Variants in MAP1B observed in about 807,000 individuals in gnomAD.
MAP1B encodes the protein microtubule associated protein 1B.
In MAP1B, 12 loss-of-function variants were observed where a neutral mutation model predicts 176.1. That is an observed-to-expected ratio of 0.07 (90% CI 0.04 to 0.11). The LOEUF (loss-of-function observed/expected upper bound fraction) is 0.11. MAP1B is among the 10% of genes least tolerant of loss of function. MAP1B has a pLI of 1.00. For synonymous variants in MAP1B, 1,044 were observed against 1,135.0 expected (o/e 0.92, Z 1.61); for missense variants, 2,523 against 2,990.5 (o/e 0.84, Z 3.65).
chr5:72,170,113 T>C (rs1009806658), intron 2 of MAP1B, among the ~76,000 whole-genome samples: 1 of 152,228 alleles, frequency 6.6e-6, no homozygotes, highest in Non-Finnish European at 1.5e-5. Context: ...TAGTGGAAAT[T>C]AAATGAACAC....
chr5:72,183,835 CAG>C lies in MAP1B; in HGVS notation c.369+11_369+12del. The C allele has an allele frequency of 6.2e-7, 1 of 1,612,988 alleles. No individual in the cohort carries two copies. The highest frequency in any genetic ancestry group is 8.5e-7 in the Non-Finnish European group (1 of 1,179,056). On this transcript the variant is annotated intron_variant, in intron 3 of 6. Transcript: ENST00000296755. ...AGCAGTCAGCACCGAGGTAAGCATT[CAG>C]CTCTGTAGAATCTGGGGCCGGGCCC... is the stretch of plus-strand genomic sequence containing the variant.
chr5:72,153,766 AT>A (rs1275663721), intron 2 of MAP1B, among the ~76,000 whole-genome samples: 1 of 151,778 alleles, frequency 6.6e-6, no homozygotes. Flanking sequence ...TTTAGAGAAC[AT>A]TGGTCAACTT....
Position 72,198,790 on chromosome 5 carries a change from C to T in MAP1B, c.5435C>T (p.Ala1812Val). ...ACCTCTGCAGTCAAAGAGAAAACAG[C>T]AACTTGCCACAGTTCCTCTTCTCCA... ...DSTSAVKEKT[A>V]TCHSSSSPPI... Residue 1812 changes from alanine (A) to valine (V), a missense_variant, in exon 5 of 7, where the codon GCA (alanine) becomes GTA (valine). Ala to Val is a moderately conservative substitution (Grantham distance 64). Around this residue, in one of 4 missense-constraint regions of MAP1B, gnomAD observed 1,925 missense variants for 2,126.0 expected, o/e 0.91. Transcript: ENST00000296755. 6.2e-7 allele frequency: 1 copy of T among 1,614,194 alleles called. No individual in the cohort carries two copies. The highest frequency in any genetic ancestry group is 1.7e-5 in the Admixed American group (1 of 60,030).
chr5:72,194,928 G>A lies in MAP1B; in HGVS notation c.1573G>A (p.Val525Met), dbSNP rs1747113838. 5.0e-6 allele frequency: 8 copies of A among 1,614,140 alleles called. No homozygotes were observed. Among genetic ancestry groups the A allele is most frequent in the Non-Finnish European group, 5.9e-6 (7 of 1,180,028 alleles). Residue 525 changes from valine (V) to methionine (M), a missense_variant, in exon 5 of 7, where the codon GTG becomes ATG. By Grantham distance (21) the Val-to-Met change is conservative. This residue lies in a region of MAP1B where 1,925 missense variants were observed against 2,126.0 expected (regional missense o/e 0.91). Coordinates refer to ENST00000296755, the MANE Select transcript of MAP1B (RefSeq NM_005909.5). This position sits in a 1 kb window ranked among gnomAD's most constrained non-coding sequence, Gnocchi z 7.2. ...CACCCAAAAGGATCTCACTGGCCAG[G>A]TGCCCACTCCTGTGGTGAAACAAAC... is the stretch of plus-strand genomic sequence containing the variant. Reference protein sequence around the residue: ...LATQKDLTGQVPTPVVKQTKL... With the variant: ...LATQKDLTGQMPTPVVKQTKL...
intron 2 of MAP1B, among the ~76,000 whole-genome samples, chr5:72,133,595 C>A (rs1332625541): frequency 1.3e-5 from 2 of 152,170 alleles, no homozygotes; most frequent in East Asian, 3.8e-4. Context: ...TATCTATGAA[C>A]CTACTTTACA....
chr5:72,159,489 T>C (rs889260700), intron 2 of MAP1B, among the ~76,000 whole-genome samples: 1 of 152,202 alleles, frequency 6.6e-6, no homozygotes, highest in African/African-American at 2.4e-5. Context: ...CTACTTCCTG[T>C]GGACTAGCAA....
At chr5:72,153,464 C>T (rs1233295187) in intron 2 of MAP1B, among the ~76,000 whole-genome samples, 1 of 151,700 alleles carries the variant, frequency 6.6e-6, no homozygotes, top group East Asian at 1.9e-4. Context: ...CTGTGGATAC[C>T]CATCTTCCAT....
At chr5:72,164,233 C>G (rs1310593427) in intron 2 of MAP1B, among the ~76,000 whole-genome samples, 2 of 151,974 alleles carry the variant, frequency 1.3e-5, no homozygotes, top group Admixed American at 6.6e-5. Context: ...GCCCAGCCTG[C>G]TATAAGACTT....
rs1747474488 is a variant in MAP1B, at chr5:72,207,339, A to G, written c.*2100A>G. ...GTTAGTTATTTATTTCAAAATTAAC[A>G]TTTTAGTTGATTTTTGTCTGATAAG... is the stretch of plus-strand genomic sequence containing the variant. On this transcript the variant is annotated 3_prime_UTR_variant, in exon 7 of 7. Transcript: ENST00000296755. 6.6e-6 allele frequency: 1 copy of G among 152,188 alleles called. No homozygotes were observed. Among genetic ancestry groups the G allele is most frequent in the South Asian group, 2.1e-4 (1 of 4,830 alleles). The allele number at this position is 152,188 out of a possible 1,614,324, so 9.4% of individuals were successfully genotyped here.
chr5:72,198,385 T>G lies in MAP1B; in HGVS notation c.5030T>G (p.Leu1677Arg), dbSNP rs1747236765. The change falls in exon 5 of 7, where the codon CTT becomes CGT. Residue 1677 changes from leucine to arginine, a missense_variant. Transcript: ENST00000296755. ...PDHPTVGAGVLHITENGPTEV... is the reference protein window; with the variant it reads ...PDHPTVGAGVRHITENGPTEV... ...CACCCTACAGTGGGTGCAGGCGTGCTTCACATCACTGAAAATGGGCCAACT... is the reference window on the plus strand; with the variant it reads ...CACCCTACAGTGGGTGCAGGCGTGCGTCACATCACTGAAAATGGGCCAACT... The G allele has an allele frequency of 6.2e-7, 1 of 1,614,020 alleles. No individual in the cohort carries two copies. The highest frequency in any genetic ancestry group is 1.1e-5 in the South Asian group (1 of 91,090).
At chr5:72,125,721 A>G (rs796473705) in intron 2 of MAP1B, among the ~76,000 whole-genome samples, 3 of 152,028 alleles carry the variant, frequency 2.0e-5, no homozygotes, top group African/African-American at 4.8e-5. Context: ...AATATTATCC[A>G]TGCAAATTGG....
At chr5:72,108,296 C>A (rs530121612) in intron 1 of MAP1B, among the ~76,000 whole-genome samples, 7 of 152,272 alleles carry the variant, frequency 4.6e-5, no homozygotes, top group Non-Finnish European at 7.3e-5. Context: ...CCCCGCCCCC[C>A]CCTCCCCGGG....
intron 2 of MAP1B, among the ~76,000 whole-genome samples, chr5:72,151,612 A>C (rs952597473): frequency 1.3e-5 from 2 of 152,202 alleles, no homozygotes; most frequent in African/African-American, 4.8e-5. Context: ...CTGCTTCTTC[A>C]TTTGTGGCAT....
At chr5:72,144,258 A>G (rs1005459609) in intron 2 of MAP1B, among the ~76,000 whole-genome samples, 6 of 152,156 alleles carry the variant, frequency 3.9e-5, no homozygotes, top group African/African-American at 1.4e-4. Flanking sequence ...GAAGAAAAAG[A>G]GAGAGAGAGA....
chr5:72,129,606 A>G (rs1745692784), intron 2 of MAP1B, among the ~76,000 whole-genome samples: 1 of 151,236 alleles, frequency 6.6e-6, no homozygotes, highest in South Asian at 2.1e-4. Flanking sequence ...GACACTTCCT[A>G]TGGGTTTACC....
chr5:72,143,915 C>T (rs1745997471), intron 2 of MAP1B, among the ~76,000 whole-genome samples: 2 of 152,082 alleles, frequency 1.3e-5, no homozygotes, highest in South Asian at 2.1e-4. Context: ...TCTTGAACTC[C>T]TAGGCTCAAT....
intron 2 of MAP1B, among the ~76,000 whole-genome samples, chr5:72,163,797 A>G (rs572980365): frequency 1.3e-5 from 2 of 152,046 alleles, no homozygotes; most frequent in South Asian, 4.2e-4. Flanking sequence ...CTGAACCTTA[A>G]TGTCTTCATC....
chr5:72,178,213 G>C (rs1241531193), intron 2 of MAP1B, among the ~76,000 whole-genome samples: 1 of 152,150 alleles, frequency 6.6e-6, no homozygotes, highest in Non-Finnish European at 1.5e-5. Context: ...ATGTTGGCCA[G>C]GCTGGTCTCA....
chr5:72,161,989 G>C (rs1228895827), intron 2 of MAP1B, among the ~76,000 whole-genome samples: 1 of 141,796 alleles, frequency 7.1e-6, no homozygotes, highest in African/African-American at 2.6e-5. Flanking sequence ...AAGAAAGAAA[G>C]AAAGAAAAGA....
Sources: allele counts gnomAD v4.1 joint callset (sites outside exome capture counted in the v4.1 genomes callset), GRCh38; gene constraint gnomAD v4.1.1; regional missense constraint gnomAD v4.1.1; non-coding constraint Gnocchi (gnomAD v3.1); transcripts MANE v1.5; gene names NCBI Gene and HGNC (gene_info 2026-07-23, HGNC 2026-07-21).